PLCB1: variants seen among roughly 807,000 people sequenced by gnomAD.
PLCB1 encodes the protein phospholipase C beta 1, also known as 1-phosphatidylinositol 4,5-bisphosphate phosphodiesterase beta-1.
In PLCB1, 46 loss-of-function variants were observed where a neutral mutation model predicts 161.8. That is an observed-to-expected ratio of 0.28 (90% CI 0.22 to 0.36). The LOEUF is 0.36. Among genes scored for constraint, PLCB1 ranks in the 10% least tolerant of loss-of-function variants. The probability of loss-of-function intolerance (pLI) is 1.00; values close to 1 mark genes in which losing one functional copy is unlikely to be tolerated. For synonymous variants in PLCB1, 517 were observed against 503.7 expected, an observed-to-expected ratio of 1.03 and a Z score of -0.35; for missense variants, 1,016 against 1,472.5, an observed-to-expected ratio of 0.69 and a Z score of 5.07.
At chr20:8,433,460 G>T (rs1156480756) in intron 3 of PLCB1, among the ~76,000 whole-genome samples, 1 of 116,750 alleles carries the variant, frequency 8.6e-6, no homozygotes, top group Non-Finnish European at 1.9e-5. Flanking sequence ...CATAAAGAGG[G>T]GAACTGCGAA....
intron 2 of PLCB1, among the ~76,000 whole-genome samples, chr20:8,231,922 T>C (rs946087292): frequency 1.4e-4 from 22 of 152,218 alleles, no homozygotes; most frequent in Admixed American, 1.4e-3. Flanking sequence ...TATATATGTA[T>C]GTAAAATAGC....
At chr20:8,136,472 A>AT (rs1202875377) in intron 1 of PLCB1, among the ~76,000 whole-genome samples, 1 of 151,856 alleles carries the variant, frequency 6.6e-6, no homozygotes, top group Non-Finnish European at 1.5e-5. Context: ...TAAAAATACA[A>AT]AAAATTAGCC....
At position 8,434,594 on chromosome 20, in the gene PLCB1, T is replaced by C. The variant is rs73593718; in HGVS notation, c.246+63144T>C. ...ATGTTTATTGAGCAATTCATATCTGTATACCAAACATTCTACTGGTATTTC... is the reference window on the plus strand; with the variant it reads ...ATGTTTATTGAGCAATTCATATCTGCATACCAAACATTCTACTGGTATTTC... On this transcript the variant is annotated intron_variant, in intron 3 of 31. Coordinates refer to ENST00000338037, the MANE Select transcript of PLCB1 (RefSeq NM_015192.4). Among the ~76,000 whole-genome samples, 1,121 of 152,344 alleles carry C rather than the reference T, an allele frequency of 7.4e-3. 18 individuals carry two copies. Among genetic ancestry groups the C allele is most frequent in the African/African-American group, 0.026 (1,077 of 41,572 alleles).
intron 3 of PLCB1, among the ~76,000 whole-genome samples, chr20:8,526,967 C>A (rs965482952): frequency 6.6e-6 from 1 of 152,018 alleles, no homozygotes; most frequent in Non-Finnish European, 1.5e-5. Context: ...GTTCAAGCAT[C>A]CTCTGATGTT....
intron 3 of PLCB1, among the ~76,000 whole-genome samples, chr20:8,612,384 A>G (rs936590175): frequency 1.3e-5 from 2 of 152,146 alleles, no homozygotes; most frequent in Non-Finnish European, 2.9e-5. Flanking sequence ...AGCTTTGAAG[A>G]AGGCAGCTCT....
At chr20:8,543,297 GTTATTTGAAGGACGTGGGCTTTTGCTC>G (rs1985405507) in intron 3 of PLCB1, among the ~76,000 whole-genome samples, 1 of 152,132 alleles carries the variant, frequency 6.6e-6, no homozygotes, top group Non-Finnish European at 1.5e-5. Context: ...GGCTCTGTGG[GTTATTTGAAGGACGTGGGCTTTTGCTC>G]TGAGTGGGGT....
intron 2 of PLCB1, among the ~76,000 whole-genome samples, chr20:8,197,687 G>T (rs1443038629): frequency 2.0e-5 from 3 of 152,210 alleles, no homozygotes; most frequent in East Asian, 3.9e-4. Flanking sequence ...GTCAATTTTG[G>T]CTTTTGTTGC....
rs77831022 is a variant in PLCB1 at position 8,460,492 on chromosome 20, A to G, written c.246+89042A>G. Among the ~76,000 whole-genome samples the G allele has an allele frequency of 7.7e-3, 1,176 of 152,366 alleles. 36 individuals are homozygous for G. The highest frequency in any genetic ancestry group is 0.054 in the Admixed American group (825 of 15,296). Reference sequence around the variant, plus strand: ...ATTTATCAAAACACAAGGTGAATGCATTATCCACATTAACTGCTGTTCAAA... The same window carrying G: ...ATTTATCAAAACACAAGGTGAATGCGTTATCCACATTAACTGCTGTTCAAA... On this transcript the variant is annotated intron_variant, in intron 3 of 31. Coordinates refer to ENST00000338037, the MANE Select transcript of PLCB1 (RefSeq NM_015192.4).
intron 3 of PLCB1, among the ~76,000 whole-genome samples, chr20:8,513,596 G>T (rs1983984798): frequency 6.6e-6 from 1 of 152,182 alleles, no homozygotes; most frequent in Non-Finnish European, 1.5e-5. Flanking sequence ...TAAGAATTCT[G>T]TCCCCCCTGC....
At chr20:8,363,020 T>C (rs1986594469) in intron 2 of PLCB1, among the ~76,000 whole-genome samples, 1 of 152,204 alleles carries the variant, frequency 6.6e-6, no homozygotes, top group Admixed American at 6.5e-5. Context: ...GATTCTATTA[T>C]AGTAATTGTT....
chr20:8,717,838 C>T lies in PLCB1; in HGVS notation c.1503C>T (p.Ser501=), dbSNP rs1422425189. 2 of 1,605,706 alleles carry T rather than the reference C, an allele frequency of 1.2e-6. No individual in the cohort carries two copies. The highest frequency in any genetic ancestry group is 1.1e-5 in the South Asian group (1 of 89,334). ...CCTCCAGCATGTTCGAGCCCTCATC[C>T]CCAGGAGCCGGTGAGGGGCTGGTGG... is the stretch of plus-strand genomic sequence containing the variant. ...SDSSSMFEPS[S]PGAGEADTES... The change falls in exon 14 of 32, where the codon TCC becomes TCT. Residue 501 remains serine (S), a synonymous_variant. Transcript: ENST00000338037.
At chr20:8,728,752 A>G (rs904600899) in intron 17 of PLCB1, among the ~76,000 whole-genome samples, 13 of 152,062 alleles carry the variant, frequency 8.5e-5, no homozygotes, top group Non-Finnish European at 8.8e-5. Context: ...GGCTCTGCAA[A>G]GGTGATGCTA....
At chr20:8,702,130 A>G (rs1031423218) in intron 11 of PLCB1, among the ~76,000 whole-genome samples, 5 of 152,220 alleles carry the variant, frequency 3.3e-5, no homozygotes, top group Non-Finnish European at 7.3e-5. Context: ...GGGTCAAAAT[A>G]AAAAGTTACG....
intron 2 of PLCB1, among the ~76,000 whole-genome samples, chr20:8,276,170 G>C (rs114780098): frequency 0.015 from 2,334 of 152,244 alleles, 54 homozygotes; most frequent in African/African-American, 0.052. Context: ...AAATTTGAAG[G>C]TGTTTTCCTT....
At chr20:8,153,494 G>A (rs1007080557) in intron 2 of PLCB1, among the ~76,000 whole-genome samples, 2 of 152,084 alleles carry the variant, frequency 1.3e-5, no homozygotes, top group Admixed American at 1.3e-4. Context: ...CTTTGGATCC[G>A]TGCCATGTGA....
rs1186108725 is a variant in PLCB1, at chr20:8,600,355, T to G, written c.247-27939T>G. Among the ~76,000 whole-genome samples the G allele has an allele frequency of 1.0e-3, 102 of 101,142 alleles. 16 individuals are homozygous for G. Among genetic ancestry groups the G allele is most frequent in the Middle Eastern group, 9.9e-3 (2 of 202 alleles). 66.4% of individuals were successfully genotyped at this position (101,142 alleles called of 152,430 possible). Reference sequence around the variant, plus strand: ...CAGCTACAGGTCAGTTGGAATACCCTGCCGTGTGAGGTGTCAGTGTGCCCC... The same window carrying G: ...CAGCTACAGGTCAGTTGGAATACCCGGCCGTGTGAGGTGTCAGTGTGCCCC... On this transcript the variant is annotated intron_variant, in intron 3 of 31. Coordinates refer to ENST00000338037, the MANE Select transcript of PLCB1 (RefSeq NM_015192.4).
At chr20:8,772,665 G>C (rs1982748690) in intron 26 of PLCB1, among the ~76,000 whole-genome samples, 1 of 152,354 alleles carries the variant, frequency 6.6e-6, no homozygotes, top group South Asian at 2.1e-4. Context: ...GGGCGCGGTG[G>C]CTCATGCCTG....
chr20:8,237,632 C>G (rs1980393814), intron 2 of PLCB1, among the ~76,000 whole-genome samples: 1 of 152,046 alleles, frequency 6.6e-6, no homozygotes, highest in South Asian at 2.1e-4. Flanking sequence ...ATAATTATAA[C>G]TATATCTTAA....
chr20:8,323,313 A>G (rs1165322839), intron 2 of PLCB1, among the ~76,000 whole-genome samples: 1 of 152,174 alleles, frequency 6.6e-6, no homozygotes, highest in Admixed American at 6.5e-5. Flanking sequence ...AGTGGTATAA[A>G]ACAATAACCA....
Sources: allele counts gnomAD v4.1 joint callset (sites outside exome capture counted in the v4.1 genomes callset), GRCh38; gene constraint gnomAD v4.1.1; transcripts MANE v1.5; gene names NCBI Gene and HGNC (gene_info 2026-07-23, HGNC 2026-07-21).